CLEC16A: variants seen among roughly 807,000 people sequenced by gnomAD.
CLEC16A encodes the protein C-type lectin domain containing 16A.
Under a neutral mutation model 109.5 loss-of-function variants are expected in CLEC16A, and 51 were observed. That is an observed-to-expected ratio of 0.47 (90% CI 0.37 to 0.59). The LOEUF (loss-of-function observed/expected upper bound fraction) is 0.59, where lower values mean the gene tolerates loss of function less well. Among genes scored for constraint, CLEC16A ranks in the 20% least tolerant of loss-of-function variants. The pLI is 0.00. For synonymous variants in CLEC16A, 673 were observed against 564.2 expected (o/e 1.19, Z -2.73); for missense variants, 1,339 against 1,394.0 (o/e 0.96, Z 0.63).
intron 22 of CLEC16A, among the ~76,000 whole-genome samples, chr16:11,162,289 G>A (rs978873179): frequency 6.6e-6 from 1 of 152,242 alleles, no homozygotes; most frequent in South Asian, 2.1e-4. Flanking sequence ...CACTGTTGGA[G>A]TGGCCTGCCT....
chr16:11,008,077 C>G (rs916699936), intron 11 of CLEC16A, among the ~76,000 whole-genome samples: 3 of 152,184 alleles, frequency 2.0e-5, no homozygotes, highest in Non-Finnish European at 4.4e-5. Flanking sequence ...AGCGCACACA[C>G]TCTCGGTCGT....
intron 19 of CLEC16A, among the ~76,000 whole-genome samples, chr16:11,079,054 CCAGCCCTG>C (rs1296283347): frequency 2.0e-5 from 3 of 152,148 alleles, no homozygotes; most frequent in Non-Finnish European, 4.4e-5. Flanking sequence ...TGGATGCTCC[CCAGCCCTG>C]CAGCCCTGCA....
intron 15 of CLEC16A, among the ~76,000 whole-genome samples, chr16:11,042,846 G>GCA (rs540570135): frequency 4.7e-5 from 7 of 149,954 alleles, no homozygotes; most frequent in African/African-American, 7.3e-5. Flanking sequence ...CTGTGTCTGT[G>GCA]CACACACACA....
At chr16:11,067,183 G>GTTTTTTTTTT (rs1459178844) in intron 19 of CLEC16A, among the ~76,000 whole-genome samples, 1 of 104,828 alleles carries the variant, frequency 9.5e-6, no homozygotes, top group Non-Finnish European at 1.9e-5. Flanking sequence ...TTTTTTGTTT[G>GTTTTTTTTTT]TTTTTGTTTT....
rs554264940 is a variant in CLEC16A at position 11,047,409 on chromosome 16, C to T, written c.1866+67C>T. 1.2e-5 allele frequency: 15 copies of T among 1,290,952 alleles called. No individual in the cohort carries two copies. The South Asian group carries it at 2.1e-4, about 18-fold the overall frequency. 80.0% of individuals were successfully genotyped at this position (1,290,952 alleles called of 1,614,324 possible). On this transcript the variant is annotated intron_variant, in intron 17 of 23. Transcript: ENST00000409790. The stretch of plus-strand genomic sequence containing the variant: ...GTGTCCCTGCCAAGCTCCCCCTGCC[C>T]ATCCCAGAGGGAGTTTTTTGACTTA...
At chr16:11,085,862 G>A (rs1270071925) in intron 19 of CLEC16A, among the ~76,000 whole-genome samples, 4 of 152,212 alleles carry the variant, frequency 2.6e-5, no homozygotes, top group African/African-American at 9.6e-5. Flanking sequence ...AGAGAGCTGG[G>A]ATTACAGGCG....
chr16:11,130,780 A>G (rs1661624987), intron 22 of CLEC16A, among the ~76,000 whole-genome samples: 1 of 152,210 alleles, frequency 6.6e-6, no homozygotes, highest in Admixed American at 6.5e-5. Flanking sequence ...AAGGAAGAAA[A>G]CAACTCTGGC....
At chr16:11,152,471 C>A (rs1019754442) in intron 22 of CLEC16A, among the ~76,000 whole-genome samples, 8 of 152,182 alleles carry the variant, frequency 5.3e-5, no homozygotes, top group African/African-American at 1.9e-4. Flanking sequence ...TGAGGAATGA[C>A]GGGGGGCCCA....
chr16:11,153,976 C>T (rs748468786), intron 22 of CLEC16A, among the ~76,000 whole-genome samples: 13 of 152,172 alleles, frequency 8.5e-5, no homozygotes, highest in Non-Finnish European at 1.5e-4. Flanking sequence ...ACACACCTCC[C>T]CATAAGTGCC....
chr16:11,039,033 C>G (rs985051775), intron 13 of CLEC16A, among the ~76,000 whole-genome samples: 11 of 151,996 alleles, frequency 7.2e-5, no homozygotes, highest in Admixed American at 2.6e-4. Flanking sequence ...TGTCTAGTCT[C>G]TCTTTCTCTA....
intron 10 of CLEC16A, among the ~76,000 whole-genome samples, chr16:10,991,978 G>A (rs1367017548): frequency 6.6e-6 from 1 of 152,174 alleles, no homozygotes; most frequent in African/African-American, 2.4e-5. Flanking sequence ...ATTAATGAGT[G>A]GGAGTTTCCC....
At chr16:11,005,918 T>G (rs2044975487) in intron 11 of CLEC16A, among the ~76,000 whole-genome samples, 1 of 152,186 alleles carries the variant, frequency 6.6e-6, no homozygotes, top group African/African-American at 2.4e-5. Flanking sequence ...ACCTCATTGT[T>G]CCTGTCTGGA....
chr16:11,013,288 ATCCTTCCTT>A (rs2045550095), intron 11 of CLEC16A, among the ~76,000 whole-genome samples: 1 of 152,226 alleles, frequency 6.6e-6, no homozygotes, highest in African/African-American at 2.4e-5. Context: ...TAATCTGAGC[ATCCTTCCTT>A]TCCCCATTCA....
intron 10 of CLEC16A, among the ~76,000 whole-genome samples, chr16:10,992,136 C>T (rs571626131): frequency 6.6e-6 from 1 of 152,272 alleles, no homozygotes; most frequent in South Asian, 2.1e-4. Context: ...TTGTTAGTTT[C>T]ATGGGCAAAG....
intron 19 of CLEC16A, among the ~76,000 whole-genome samples, chr16:11,071,600 CTT>C (rs762936938): frequency 2.7e-4 from 32 of 118,840 alleles, no homozygotes; most frequent in Non-Finnish European, 2.9e-4. Context: ...TATTACGTTT[CTT>C]TTTTTTTTTT....
chr16:11,097,964 G>C (rs1466806868), intron 19 of CLEC16A, among the ~76,000 whole-genome samples: 1 of 152,216 alleles, frequency 6.6e-6, no homozygotes, highest in Admixed American at 6.5e-5. Flanking sequence ...CCTCCCACAA[G>C]TGATGCCACA....
In CLEC16A at chr16:11,042,378, GCTC is replaced by G. The variant is rs1567233903; in HGVS notation, c.1770+21_1770+23del. On this transcript the variant is annotated intron_variant, in intron 15 of 23. Transcript: ENST00000409790. ...CCTGCCTGGAGGTAACGCCCTCTCC[GCTC>G]CTCCTTCCTGTGGGCCAAGGGAGAG... 5 of 1,544,856 alleles carry G rather than the reference GCTC, an allele frequency of 3.2e-6. No individual in the cohort carries two copies. The South Asian group carries it at 3.5e-5, about 11-fold the overall frequency.
At position 11,173,302 on chromosome 16, in the gene CLEC16A, AT is replaced by A. The variant is rs1041147428; in HGVS notation, c.2807-5032del. Among the ~76,000 whole-genome samples the A allele has an allele frequency of 3.8e-4, 58 of 152,248 alleles. 2 individuals carry two copies. In the East Asian group the frequency reaches 5.2e-3, roughly 14 times the overall value. On this transcript the variant is annotated intron_variant, in intron 23 of 23. Coordinates refer to ENST00000409790, the MANE Select transcript of CLEC16A (RefSeq NM_015226.3). ...GTTTTTCAGTGTATAGTCCAGTGGC[AT>A]CTAAGGACCTTCACATTGTAGTGCT... is the stretch of plus-strand genomic sequence containing the variant.
At chr16:11,006,450 C>G (rs576956729) in intron 11 of CLEC16A, among the ~76,000 whole-genome samples, 4 of 152,298 alleles carry the variant, frequency 2.6e-5, no homozygotes, top group South Asian at 2.1e-4. Context: ...ACATGCGGCT[C>G]TTTTCTCTTC....
Sources: allele counts gnomAD v4.1 joint callset (sites outside exome capture counted in the v4.1 genomes callset), GRCh38; gene constraint gnomAD v4.1.1; transcripts MANE v1.5; gene names NCBI Gene and HGNC (gene_info 2026-07-23, HGNC 2026-07-21).